The following PHLPP2 variants were observed in gnomAD, a reference collection of about 807,000 sequenced individuals.
PHLPP2 encodes the protein PH domain and leucine rich repeat protein phosphatase 2.
In PHLPP2, 66 loss-of-function variants were observed where a neutral mutation model predicts 124.9. The ratio of observed to expected loss-of-function variants is 0.53; its 90% CI spans 0.43 to 0.65. PHLPP2 has a LOEUF of 0.65. Ranked by LOEUF, PHLPP2 falls within the 30% of genes least tolerant of loss-of-function variation. The pLI is 0.00. For synonymous variants in PHLPP2, 681 were observed against 624.7 expected, an observed-to-expected ratio of 1.09 and a Z score of -1.34; for missense variants, 1,685 against 1,600.4, an observed-to-expected ratio of 1.05 and a Z score of -0.90.
chr16:71,707,741 T>C (rs1056455680), intron 2 of PHLPP2, among the ~76,000 whole-genome samples: 1 of 152,218 alleles, frequency 6.6e-6, no homozygotes, highest in South Asian at 2.1e-4. Context: ...GTCTCTTCAG[T>C]TGGCTGGTGC....
intron 7 of PHLPP2, among the ~76,000 whole-genome samples, 185 bp from the exon 8 acceptor site, chr16:71,679,170 C>T (rs2145337140): frequency 6.6e-6 from 1 of 152,280 alleles, no homozygotes; most frequent in East Asian, 1.9e-4. Context: ...AATGGTCCCT[C>T]CAACATTAAA....
chr16:71,672,095 T>C (rs1375182592), intron 10 of PHLPP2, among the ~76,000 whole-genome samples, 167 bp downstream of exon 10: 5 of 152,238 alleles, frequency 3.3e-5, no homozygotes, highest in Non-Finnish European at 4.4e-5. Flanking sequence ...CCTTCCTTTA[T>C]ACAGTAAGGC....
chr16:71,688,071 T>C (rs1436052733), intron 4 of PHLPP2, among the ~76,000 whole-genome samples: 1 of 152,198 alleles, frequency 6.6e-6, no homozygotes, highest in African/African-American at 2.4e-5. Context: ...CAACTCATAG[T>C]CATCGTATGA....
chr16:71,714,813 C>G lies in PHLPP2; in HGVS notation c.-6-12G>C. Reference sequence around the variant, plus strand: ...CGTTTCATATTTCTCTAAAAAATATCAAGAGAAAGAAATCGTTAGCTAGAA... The same window carrying G: ...CGTTTCATATTTCTCTAAAAAATATGAAGAGAAAGAAATCGTTAGCTAGAA... On this transcript the variant is annotated splice_polypyrimidine_tract_variant and intron_variant, in intron 1 of 18. Coordinates refer to ENST00000568954, the MANE Select transcript of PHLPP2 (RefSeq NM_015020.3). 1.2e-6 allele frequency: 2 copies of G among 1,603,710 alleles called. No individual in the cohort carries two copies. Among genetic ancestry groups the G allele is most frequent in the Non-Finnish European group, 1.7e-6 (2 of 1,174,668 alleles).
At chr16:71,662,154 G>A (rs564636988) in intron 13 of PHLPP2, among the ~76,000 whole-genome samples, 58 of 151,908 alleles carry the variant, frequency 3.8e-4, no homozygotes, top group Non-Finnish European at 6.3e-4. Context: ...GGTGCGGGCC[G>A]GGCGCAGTGG....
intron 3 of PHLPP2, among the ~76,000 whole-genome samples, chr16:71,702,001 G>A (rs1181588394): frequency 1.3e-5 from 2 of 152,128 alleles, no homozygotes; most frequent in African/African-American, 4.8e-5. Context: ...CAGTGGATAA[G>A]GGGGGACTAC....
At chr16:71,690,453 G>C in intron 4 of PHLPP2, 66 bp downstream of exon 4, 1 of 1,073,400 alleles carries the variant, frequency 9.3e-7, no homozygotes, top group South Asian at 1.5e-5. Flanking sequence ...GCTATGAAAA[G>C]CATTATGTGA....
chr16:71,667,837 T>C (rs1189130034), intron 11 of PHLPP2, among the ~76,000 whole-genome samples: 1 of 152,218 alleles, frequency 6.6e-6, no homozygotes, highest in Non-Finnish European at 1.5e-5. Flanking sequence ...TGGACTTGAA[T>C]TAAGGTTTGA....
chr16:71,676,308 G>A (rs2044944624), intron 9 of PHLPP2, 139 bp downstream of exon 9: 3 of 637,366 alleles, frequency 4.7e-6, no homozygotes, highest in Non-Finnish European at 8.4e-6. Flanking sequence ...ACAGCAAAGT[G>A]AAGAGATAAA....
At chr16:71,715,367 T>A (rs889819263) in intron 1 of PHLPP2, 5 of 152,076 alleles carry the variant, frequency 3.3e-5, no homozygotes, top group Non-Finnish European at 7.3e-5. Flanking sequence ...AGACCTTGTC[T>A]CTCAAAAATA....
At chr16:71,685,284 G>A (rs981754324) in intron 4 of PHLPP2, among the ~76,000 whole-genome samples, 2 of 152,166 alleles carry the variant, frequency 1.3e-5, no homozygotes, top group African/African-American at 4.8e-5. Context: ...CTAAGATCGC[G>A]TCACTGCATA....
At chr16:71,665,168 G>C (rs1287760737) in intron 12 of PHLPP2, among the ~76,000 whole-genome samples, 2 of 152,062 alleles carry the variant, frequency 1.3e-5, no homozygotes, top group Non-Finnish European at 2.9e-5. Context: ...AAAAAGCTGA[G>C]TGTGGCGGCA....
chr16:71,700,575 G>A (rs539583814), intron 3 of PHLPP2, among the ~76,000 whole-genome samples: 1 of 115,130 alleles, frequency 8.7e-6, no homozygotes, highest in Non-Finnish European at 1.6e-5. Context: ...ACCCAGGCTT[G>A]AGTGCAGGGG....
rs371147545 is a variant in PHLPP2 at position 71,679,443 on chromosome 16, T to C, written c.983A>G (p.Asn328Ser). The C allele has an allele frequency of 1.6e-5, 26 of 1,613,818 alleles. No homozygotes were observed. Among genetic ancestry groups the C allele is most frequent in the African/African-American group, 4.0e-5 (3 of 74,912 alleles). The part of the protein sequence containing the change: ...LCEISTLTEL[N>S]LSCNGFHDLP... ...GTCATGAAATCCATTACAGGAAAGGTTGAGCTCAGTCAGGGTAGAGATCTC... is the reference window on the plus strand; with the variant it reads ...GTCATGAAATCCATTACAGGAAAGGCTGAGCTCAGTCAGGGTAGAGATCTC... The change falls in exon 7 of 19, where the codon AAC (asparagine) becomes AGC (serine). Residue 328 changes from asparagine (N) to serine (S), a missense_variant. By Grantham distance (46) the Asn-to-Ser change is conservative. Coordinates refer to ENST00000568954, the MANE Select transcript of PHLPP2 (RefSeq NM_015020.3).
At chr16:71,672,484 C>T (rs114962727) in intron 9 of PHLPP2, among the ~76,000 whole-genome samples, 162 bp from the exon 10 acceptor site, 1 of 152,204 alleles carries the variant, frequency 6.6e-6, no homozygotes, top group Non-Finnish European at 1.5e-5. Context: ...CTTTGACTAA[C>T]TGATCCCAAT....
At chr16:71,660,943 T>C (rs376619807) in intron 13 of PHLPP2, among the ~76,000 whole-genome samples, 7 of 152,280 alleles carry the variant, frequency 4.6e-5, no homozygotes, top group African/African-American at 1.4e-4. Flanking sequence ...AATGAACTGA[T>C]AGTGGATTTA....
intron 4 of PHLPP2, among the ~76,000 whole-genome samples, chr16:71,685,097 G>A (rs1385475827): frequency 1.3e-5 from 2 of 152,190 alleles, no homozygotes; most frequent in African/African-American, 2.4e-5. Context: ...GGAGGCCGAG[G>A]CGGGCGGATC....
rs559271307 is a variant in PHLPP2, at chr16:71,705,395, G to C, written c.285-2664C>G. 2.1e-4 allele frequency among the ~76,000 whole-genome samples: 32 copies of C among 152,216 alleles called. 1 individual carries two copies. In the South Asian group the frequency reaches 6.0e-3, roughly 29 times the overall value. Reference sequence around the variant, plus strand: ...TTTTTCTATTTCTCTCTAGAAAACTGAAAGAAATGGAAGCATCCTAATTCT... The same window carrying C: ...TTTTTCTATTTCTCTCTAGAAAACTCAAAGAAATGGAAGCATCCTAATTCT... On this transcript the variant is annotated intron_variant, in intron 2 of 18. Transcript: ENST00000568954.
intron 2 of PHLPP2, 100 bp downstream of exon 2, chr16:71,714,412 T>G: frequency 1.4e-6 from 2 of 1,403,258 alleles, no homozygotes; most frequent in Non-Finnish European, 1.9e-6. Flanking sequence ...GTAATCAACA[T>G]CAGTTCCGGC....
Sources: gnomAD v4.1 joint callset for allele counts (sites outside exome capture counted in the v4.1 genomes callset) on GRCh38, gnomAD v4.1.1 for gene constraint, MANE v1.5 for transcripts, NCBI Gene and HGNC (gene_info 2026-07-23, HGNC 2026-07-21) for gene names.